ZSWIM5: variants seen among roughly 807,000 people sequenced by gnomAD.
The protein encoded by ZSWIM5 is zinc finger SWIM domain-containing protein 5.
In ZSWIM5, 55 loss-of-function variants were observed where a neutral mutation model predicts 119.6. The ratio of observed to expected loss-of-function variants is 0.46; its 90% CI spans 0.37 to 0.58. The LOEUF is 0.58. ZSWIM5 is among the 20% of genes least tolerant of loss of function. The probability of loss-of-function intolerance (pLI) is 0.00; values close to 1 mark genes in which losing one functional copy is unlikely to be tolerated. For missense variants in ZSWIM5, 1,193 were observed against 1,512.8 expected, an observed-to-expected ratio of 0.79 and a Z score of 3.51; for synonymous variants, 537 against 606.9, an observed-to-expected ratio of 0.88 and a Z score of 1.69.
intron 4 of ZSWIM5, among the ~76,000 whole-genome samples, chr1:45,053,482 C>T (rs1476282654): frequency 6.6e-6 from 1 of 152,018 alleles, no homozygotes; most frequent in Admixed American, 6.6e-5. Context: ...GGGATCCTGG[C>T]CGGGTGCGGT....
intron 1 of ZSWIM5, among the ~76,000 whole-genome samples, chr1:45,169,000 T>C (rs764499461): frequency 2.0e-5 from 3 of 152,104 alleles, no homozygotes; most frequent in Non-Finnish European, 4.4e-5. Flanking sequence ...TACAAAGTAA[T>C]ACCCAAACTC....
intron 1 of ZSWIM5, among the ~76,000 whole-genome samples, chr1:45,155,556 A>G (rs1256374483): frequency 6.6e-6 from 1 of 152,198 alleles, no homozygotes; most frequent in African/African-American, 2.4e-5. Context: ...GTCATTACAC[A>G]AAAAAGAAAC....
At chr1:45,151,105 G>A (rs1645794289) in intron 1 of ZSWIM5, among the ~76,000 whole-genome samples, 1 of 152,058 alleles carries the variant, frequency 6.6e-6, no homozygotes, top group Non-Finnish European at 1.5e-5. Flanking sequence ...ATCCACATAT[G>A]TCTCTATGGA....
intron 1 of ZSWIM5, among the ~76,000 whole-genome samples, chr1:45,191,316 T>G (rs1263622325): frequency 6.6e-6 from 1 of 152,134 alleles, no homozygotes; most frequent in African/African-American, 2.4e-5. Context: ...ATGAAGCAGA[T>G]CTCTGCTGCT....
At chr1:45,021,668 C>T (rs1442846613) in intron 11 of ZSWIM5, among the ~76,000 whole-genome samples, 1 of 152,178 alleles carries the variant, frequency 6.6e-6, no homozygotes, top group Admixed American at 6.5e-5. Flanking sequence ...AATGGTATGA[C>T]TACAGGCTTT....
intron 2 of ZSWIM5, among the ~76,000 whole-genome samples, chr1:45,067,273 A>AT (rs1423980599): frequency 2.0e-5 from 3 of 151,934 alleles, no homozygotes; most frequent in Non-Finnish European, 4.4e-5. Context: ...CCCTGTCTCT[A>AT]TAAAAAAATA....
At chr1:45,110,041 T>A (rs1645507577) in intron 1 of ZSWIM5, among the ~76,000 whole-genome samples, 1 of 151,976 alleles carries the variant, frequency 6.6e-6, no homozygotes, top group Non-Finnish European at 1.5e-5. Flanking sequence ...ATTTTTAATT[T>A]TTTTTGGCAG....
At chr1:45,062,973 T>C (rs1645161741) in intron 2 of ZSWIM5, among the ~76,000 whole-genome samples, 1 of 152,158 alleles carries the variant, frequency 6.6e-6, no homozygotes, top group African/African-American at 2.4e-5. Context: ...TGTCCCTTCC[T>C]TTTCTCTCCT....
At chr1:45,135,807 T>A (rs1323617036) in intron 1 of ZSWIM5, among the ~76,000 whole-genome samples, 1 of 152,012 alleles carries the variant, frequency 6.6e-6, no homozygotes, top group African/African-American at 2.4e-5. Context: ...TGGTAGAAAA[T>A]TTTCAGGATT....
intron 1 of ZSWIM5, among the ~76,000 whole-genome samples, chr1:45,109,561 T>C (rs1282169721): frequency 2.0e-5 from 3 of 152,022 alleles, no homozygotes; most frequent in Non-Finnish European, 2.9e-5. Context: ...CCGCCCAACA[T>C]GGTGAAACCC....
intron 1 of ZSWIM5, among the ~76,000 whole-genome samples, chr1:45,185,173 A>G (rs761136871): frequency 0.056 from 8,425 of 149,890 alleles, 285 homozygotes; most frequent in East Asian, 0.099. Context: ...TTAATAAACG[A>G]TGCTGGGAAA....
chr1:45,110,945 T>C (rs751746631), intron 1 of ZSWIM5, among the ~76,000 whole-genome samples: 1 of 152,218 alleles, frequency 6.6e-6, no homozygotes, highest in African/African-American at 2.4e-5. Flanking sequence ...GATTGATTCA[T>C]TTACTCATTC....
chr1:45,122,841 C>A (rs1645600754), intron 1 of ZSWIM5, among the ~76,000 whole-genome samples: 1 of 152,184 alleles, frequency 6.6e-6, no homozygotes, highest in Admixed American at 6.5e-5. Context: ...CCCACCAAGG[C>A]TGAGTGGGGA....
intron 1 of ZSWIM5, among the ~76,000 whole-genome samples, chr1:45,205,124 CTT>C (rs78531701): frequency 4.3e-5 from 6 of 139,262 alleles, no homozygotes; most frequent in Admixed American, 7.2e-5. Context: ...GATTGTATGG[CTT>C]TTTTTTTTTT....
chr1:45,018,703 A>G lies in ZSWIM5; in HGVS notation c.3309T>C (p.Thr1103=). The G allele has an allele frequency of 6.2e-7, 1 of 1,614,260 alleles. No homozygotes were observed. Residue 1103 remains threonine, a synonymous_variant, in exon 14 of 14, where the codon ACT becomes ACC. Coordinates refer to ENST00000359600, the MANE Select transcript of ZSWIM5 (RefSeq NM_020883.2). The surrounding 1 kb of genome is among the most constrained non-coding windows in gnomAD (Gnocchi z 6.7). ...GCAACTGGCGCAATGGAGCTTTGTC[A>G]GTGGACATGAGCTTTCCAGAGCTTC... ...GRRSSGKLMS[T]DKAPLRQLLD... is the part of the protein sequence containing the mutation.
intron 1 of ZSWIM5, among the ~76,000 whole-genome samples, chr1:45,118,925 A>G (rs914298616): frequency 6.6e-6 from 1 of 152,172 alleles, no homozygotes; most frequent in African/African-American, 2.4e-5. Context: ...GGAGCAGGCA[A>G]TAAATGAGTA....
At chr1:45,046,208 A>AT (rs1254157081) in intron 5 of ZSWIM5, among the ~76,000 whole-genome samples, 1 of 152,176 alleles carries the variant, frequency 6.6e-6, no homozygotes, top group African/African-American at 2.4e-5. Context: ...TGGGACTTGC[A>AT]TTTTAAAAGG....
chr1:45,187,350 G>A (rs1160388676), intron 1 of ZSWIM5, among the ~76,000 whole-genome samples: 1 of 151,984 alleles, frequency 6.6e-6, no homozygotes, highest in Non-Finnish European at 1.5e-5. Flanking sequence ...AATGGAGAAA[G>A]ACTAGTCATT....
chr1:45,066,910 T>C (rs552049332), intron 2 of ZSWIM5, among the ~76,000 whole-genome samples: 4 of 152,296 alleles, frequency 2.6e-5, no homozygotes, highest in African/African-American at 9.6e-5. Context: ...TTAACATATC[T>C]TGCAATATAT....
Sources: allele counts gnomAD v4.1 joint callset (sites outside exome capture counted in the v4.1 genomes callset), GRCh38; gene constraint gnomAD v4.1.1; non-coding constraint Gnocchi (gnomAD v3.1); transcripts MANE v1.5; gene names NCBI Gene and HGNC (gene_info 2026-07-23, HGNC 2026-07-21).